The following PRDM16 variants were observed in gnomAD, a reference collection of about 807,000 sequenced individuals.
The protein encoded by PRDM16 is PR/SET domain 16.
Under a neutral mutation model 110.6 loss-of-function variants are expected in PRDM16, and 23 were observed. The observed-to-expected ratio is 0.21, with a 90% CI of 0.15 to 0.29. The LOEUF (loss-of-function observed/expected upper bound fraction) is 0.29, where lower values mean the gene tolerates loss of function less well. PRDM16 is among the 10% of genes least tolerant of loss of function. PRDM16 has a pLI of 1.00. For missense variants in PRDM16, 1,615 were observed against 1,794.3 expected (o/e 0.90, Z 1.81); for synonymous variants, 799 against 781.8 (o/e 1.02, Z -0.37).
chr1:3,398,254 C>T (rs374923028), intron 5 of PRDM16, among the ~76,000 whole-genome samples: 6 of 152,260 alleles, frequency 3.9e-5, no homozygotes, highest in Non-Finnish European at 7.3e-5. Context: ...CTCCCCACCC[C>T]GCTCCAGCCC....
intron 3 of PRDM16, among the ~76,000 whole-genome samples, chr1:3,328,790 T>C (rs1641977451): frequency 6.6e-6 from 1 of 152,124 alleles, no homozygotes; most frequent in South Asian, 2.1e-4. Context: ...TGCAGCCAGG[T>C]GGGGGCTTGG....
chr1:3,091,562 CCCTTGGGAGAGTCTGAGGGAGGCTGGGGT>C (rs1570235469), intron 1 of PRDM16, among the ~76,000 whole-genome samples: 1 of 152,230 alleles, frequency 6.6e-6, no homozygotes, highest in Non-Finnish European at 1.5e-5. Flanking sequence ...ACCCCTCATT[CCCTTGGGAGAGTCTGAGGGAGGCTGGGGT>C]CCTTGCTGCG....
At chr1:3,362,877 G>A (rs1319727923) in intron 3 of PRDM16, among the ~76,000 whole-genome samples, 1 of 152,186 alleles carries the variant, frequency 6.6e-6, no homozygotes, top group Non-Finnish European at 1.5e-5. Context: ...CTTCCCTGTA[G>A]CACACTCTCA....
chr1:3,115,453 G>A (rs1642934963), intron 1 of PRDM16, among the ~76,000 whole-genome samples: 1 of 152,190 alleles, frequency 6.6e-6, no homozygotes, highest in Admixed American at 6.5e-5. Flanking sequence ...GAGAGAGATT[G>A]GACTAATGGC....
rs1467060025 is a variant in PRDM16 at position 3,255,553 on chromosome 1, G to T, written c.438+11416G>T. On this transcript the variant is annotated intron_variant, in intron 3 of 16. Coordinates refer to ENST00000270722, the MANE Select transcript of PRDM16 (RefSeq NM_022114.4). This position sits in a 1 kb window ranked among gnomAD's most constrained non-coding sequence, Gnocchi z 4.7. ...TGTGGCCACAGTGGCACGGGGAGGG[G>T]GCGGGAGACACAAGCCATCCCCTAA... Among the ~76,000 whole-genome samples, 1 of 152,164 alleles carries T rather than the reference G, an allele frequency of 6.6e-6. No individual in the cohort carries two copies. Among genetic ancestry groups the T allele is most frequent in the Non-Finnish European group, 1.5e-5 (1 of 68,028 alleles).
chr1:3,073,480 T>C (rs1641815952), intron 1 of PRDM16, among the ~76,000 whole-genome samples: 1 of 152,232 alleles, frequency 6.6e-6, no homozygotes, highest in African/African-American at 2.4e-5. Context: ...GTAACGAGTC[T>C]TGGAAGCTGC....
chr1:3,100,589 C>T (rs1642508002), intron 1 of PRDM16, among the ~76,000 whole-genome samples: 1 of 152,152 alleles, frequency 6.6e-6, no homozygotes, highest in Non-Finnish European at 1.5e-5. Context: ...CAGGCACGGC[C>T]CATGGTCCTC....
At chr1:3,118,116 T>TGA (rs1643008462) in intron 1 of PRDM16, among the ~76,000 whole-genome samples, 1 of 150,954 alleles carries the variant, frequency 6.6e-6, no homozygotes. Context: ...TGTGTGTGCG[T>TGA]GTGCGTGTGT....
chr1:3,403,977 C>T (rs374438608), intron 6 of PRDM16, among the ~76,000 whole-genome samples: 24 of 152,338 alleles, frequency 1.6e-4, no homozygotes, highest in East Asian at 1.2e-3. Context: ...CAGTAAACGC[C>T]GCTCAAGAGG....
intron 3 of PRDM16, among the ~76,000 whole-genome samples, chr1:3,281,939 C>T (rs1333460611): frequency 6.6e-6 from 1 of 152,200 alleles, no homozygotes; most frequent in Non-Finnish European, 1.5e-5. Context: ...AAGGTGGGCG[C>T]CCGCAGCCCT....
At chr1:3,074,454 T>C (rs1641845801) in intron 1 of PRDM16, among the ~76,000 whole-genome samples, 1 of 152,066 alleles carries the variant, frequency 6.6e-6, no homozygotes, top group South Asian at 2.1e-4. Flanking sequence ...CGTGTCAGGG[T>C]TTAAGCATTT....
At chr1:3,271,172 C>T (rs1310461458) in intron 3 of PRDM16, among the ~76,000 whole-genome samples, 6 of 152,180 alleles carry the variant, frequency 3.9e-5, no homozygotes, top group African/African-American at 9.7e-5. Context: ...GGGCCCCGGA[C>T]GCCTCCAGGT....
intron 3 of PRDM16, among the ~76,000 whole-genome samples, chr1:3,285,644 G>T (rs775274162): frequency 1.3e-5 from 2 of 152,194 alleles, no homozygotes; most frequent in African/African-American, 4.8e-5. Context: ...AGCCCAGGGC[G>T]TGCTTGAGCC....
chr1:3,173,939 G>C (rs569788355), intron 1 of PRDM16, among the ~76,000 whole-genome samples: 1 of 152,368 alleles, frequency 6.6e-6, no homozygotes, highest in African/African-American at 2.4e-5. Context: ...ATGTGTTCTC[G>C]GCCGGGCCCG....
chr1:3,100,325 C>T (rs531917255), intron 1 of PRDM16, among the ~76,000 whole-genome samples: 38 of 152,350 alleles, frequency 2.5e-4, no homozygotes, highest in African/African-American at 8.2e-4. Context: ...GAGTGACTTT[C>T]GGCTGCTTTA....
intron 3 of PRDM16, among the ~76,000 whole-genome samples, chr1:3,248,157 G>A (rs1639838953): frequency 1.3e-5 from 2 of 152,240 alleles, no homozygotes; most frequent in South Asian, 4.1e-4. Flanking sequence ...TTTGGCAAAA[G>A]GCTTAAATTT....
At chr1:3,230,857 C>T (rs972472878) in intron 2 of PRDM16, among the ~76,000 whole-genome samples, 4 of 152,226 alleles carry the variant, frequency 2.6e-5, no homozygotes, top group Admixed American at 2.0e-4. Flanking sequence ...GGTATTTCCT[C>T]TGCTTGGGGT....
rs922470429 is a variant in PRDM16, at chr1:3,404,176, G to A, written c.885-563G>A. Among the ~76,000 whole-genome samples the A allele has an allele frequency of 8.5e-5, 13 of 152,328 alleles. No homozygotes were observed. The South Asian group carries it at 2.7e-3, about 32-fold the overall frequency. On this transcript the variant is annotated intron_variant, in intron 6 of 16. Transcript: ENST00000270722. ...GTCATCCCTGGGACAAGGGAAGCCG[G>A]GGGTCCCCCAAGAGCAGGGAATTAG...
At chr1:3,330,818 C>T (rs1169901823) in intron 3 of PRDM16, among the ~76,000 whole-genome samples, 2 of 152,204 alleles carry the variant, frequency 1.3e-5, no homozygotes, top group Non-Finnish European at 2.9e-5. Flanking sequence ...AGTGGAGGTG[C>T]CCCTGGTTCA....
Sources: gnomAD v4.1 joint callset for allele counts (sites outside exome capture counted in the v4.1 genomes callset) on GRCh38, gnomAD v4.1.1 for gene constraint, Gnocchi (gnomAD v3.1) non-coding constraint, MANE v1.5 for transcripts, NCBI Gene and HGNC (gene_info 2026-07-23, HGNC 2026-07-21) for gene names.